Variants in PPME1 observed in about 807,000 individuals in gnomAD.
PPME1 encodes the protein protein phosphatase methylesterase 1.
In PPME1, 17 loss-of-function variants were observed where a neutral mutation model predicts 56.9. That is an observed-to-expected ratio of 0.30 (90% confidence interval 0.20 to 0.45). The LOEUF is 0.45. PPME1 is among the 20% of genes least tolerant of loss of function. The pLI is 1.00. For missense variants in PPME1, 357 were observed against 483.2 expected, an observed-to-expected ratio of 0.74 and a Z score of 2.45; for synonymous variants, 122 against 156.2, an observed-to-expected ratio of 0.78 and a Z score of 1.63.
chr11:74,177,675 T>A (rs1212543449), intron 1 of PPME1, among the ~76,000 whole-genome samples: 3 of 152,190 alleles, frequency 2.0e-5, no homozygotes, highest in Non-Finnish European at 4.4e-5. Flanking sequence ...AAATAAACTT[T>A]CTAATCCCAT....
At position 74,253,602 on chromosome 11, in the gene PPME1, C is replaced by T. The variant is rs888134116; in HGVS notation, c.*92C>T. ...TGATGCCACTGTCTCCTCTCCATCCCGCCCAGCCATGTGACACTGGCTCCC... is the reference window on the plus strand; with the variant it reads ...TGATGCCACTGTCTCCTCTCCATCCTGCCCAGCCATGTGACACTGGCTCCC... On this transcript the variant is annotated 3_prime_UTR_variant, in exon 14 of 14. Transcript: ENST00000328257. 8.3e-5 allele frequency: 118 copies of T among 1,419,796 alleles called. 2 individuals carry two copies. The highest frequency in any genetic ancestry group is 6.0e-4 in the South Asian group (52 of 86,738). The allele number at this position is 1,419,796 out of a possible 1,614,324, so 87.9% of individuals were successfully genotyped here.
At chr11:74,187,376 A>G (rs1436788543) in intron 1 of PPME1, among the ~76,000 whole-genome samples, 1 of 152,178 alleles carries the variant, frequency 6.6e-6, no homozygotes, top group Non-Finnish European at 1.5e-5. Flanking sequence ...ATCCATGAAC[A>G]CTGGATGTCT....
chr11:74,200,373 G>GTA (rs1858125117), intron 1 of PPME1, among the ~76,000 whole-genome samples: 1 of 151,296 alleles, frequency 6.6e-6, no homozygotes, highest in Non-Finnish European at 1.5e-5. Context: ...GTGTGTGTGT[G>GTA]TGTGTGTGTG....
chr11:74,176,823 C>T (rs770068703), intron 1 of PPME1, among the ~76,000 whole-genome samples: 4 of 151,014 alleles, frequency 2.6e-5, no homozygotes, highest in African/African-American at 4.9e-5. Context: ...CTCCACTTCC[C>T]GGGTTCAGGC....
At chr11:74,194,962 G>A (rs1857942186) in intron 1 of PPME1, among the ~76,000 whole-genome samples, 1 of 152,152 alleles carries the variant, frequency 6.6e-6, no homozygotes, top group Non-Finnish European at 1.5e-5. Flanking sequence ...CAGACAGCAG[G>A]CAGTCCTATT....
intron 8 of PPME1, chr11:74,238,324 A>G (rs1859250138): frequency 6.6e-6 from 1 of 152,204 alleles, no homozygotes; most frequent in Non-Finnish European, 1.5e-5. Flanking sequence ...TCATTCTTAA[A>G]AATCTACCGC....
chr11:74,200,290 T>C (rs1435997414), intron 1 of PPME1, among the ~76,000 whole-genome samples: 3 of 152,200 alleles, frequency 2.0e-5, no homozygotes, highest in Admixed American at 6.5e-5. Flanking sequence ...TTGCCACTTA[T>C]GTAATGTCTA....
intron 1 of PPME1, among the ~76,000 whole-genome samples, chr11:74,182,325 T>A (rs1163170081): frequency 6.6e-6 from 1 of 152,156 alleles, no homozygotes; most frequent in Non-Finnish European, 1.5e-5. Context: ...TTTCCTCAAT[T>A]CTAAGATACA....
intron 9 of PPME1, among the ~76,000 whole-genome samples, chr11:74,244,527 A>G (rs1859458187): frequency 6.6e-6 from 1 of 152,166 alleles, no homozygotes; most frequent in African/African-American, 2.4e-5. Flanking sequence ...GATGTTAAGC[A>G]TCGTTTCATA....
intron 1 of PPME1, among the ~76,000 whole-genome samples, chr11:74,175,060 G>C (rs1457571681): frequency 6.6e-6 from 1 of 152,210 alleles, no homozygotes; most frequent in Non-Finnish European, 1.5e-5. Flanking sequence ...GACTAAAGTA[G>C]ATTTGAGATC....
chr11:74,218,283 T>C (rs1858709511), intron 3 of PPME1, among the ~76,000 whole-genome samples: 1 of 152,192 alleles, frequency 6.6e-6, no homozygotes, highest in African/African-American at 2.4e-5. Flanking sequence ...AGATATTCCA[T>C]GTTCAGGGAT....
At chr11:74,181,152 C>T in intron 1 of PPME1, among the ~76,000 whole-genome samples, 1 of 149,634 alleles carries the variant, frequency 6.7e-6, no homozygotes, top group African/African-American at 2.5e-5. Flanking sequence ...TCACGCCATT[C>T]TCCTGCCTCA....
chr11:74,231,280 G>T (rs1859060240), intron 7 of PPME1, among the ~76,000 whole-genome samples: 1 of 152,166 alleles, frequency 6.6e-6, no homozygotes, highest in African/African-American at 2.4e-5. Flanking sequence ...CTGGCTTCAA[G>T]TAATCCTCCT....
intron 8 of PPME1, among the ~76,000 whole-genome samples, chr11:74,237,458 G>A (rs570972466): frequency 8.6e-5 from 13 of 151,664 alleles, no homozygotes; most frequent in Non-Finnish European, 1.8e-4. Context: ...TATATTTTTA[G>A]TAGAGGTGGG....
intron 5 of PPME1, among the ~76,000 whole-genome samples, chr11:74,229,657 G>A (rs1305613821): frequency 2.6e-5 from 4 of 152,078 alleles, no homozygotes; most frequent in Non-Finnish European, 4.4e-5. Flanking sequence ...TTACTCTTTC[G>A]AGGTGTTTTC....
At chr11:74,195,180 A>G (rs1857948050) in intron 1 of PPME1, among the ~76,000 whole-genome samples, 1 of 152,238 alleles carries the variant, frequency 6.6e-6, no homozygotes, top group African/African-American at 2.4e-5. Flanking sequence ...TCCGTCACCT[A>G]GCTTAAGAAA....
intron 8 of PPME1, among the ~76,000 whole-genome samples, chr11:74,236,850 CATT>C (rs2135668293): frequency 6.6e-6 from 1 of 152,264 alleles, no homozygotes; most frequent in South Asian, 2.1e-4. Context: ...ATCACGATGA[CATT>C]ATTACACGTA....
rs1565399128 is a variant in PPME1 at position 74,253,793 on chromosome 11, G to A, written c.*283G>A. The A allele has an allele frequency of 3.7e-6, 2 of 546,116 alleles. No individual in the cohort carries two copies. Among genetic ancestry groups the A allele is most frequent in the Admixed American group, 6.5e-5 (2 of 30,590 alleles). 33.8% of individuals were successfully genotyped at this position (546,116 alleles called of 1,614,324 possible). On this transcript the variant is annotated 3_prime_UTR_variant, in exon 14 of 14. Coordinates refer to ENST00000328257, the MANE Select transcript of PPME1 (RefSeq NM_016147.3). ...TGCCTGCTCTCCCTGCGTTGCCTAG[G>A]GTAAAGCCTCCAGATTTGCCATACT...
chr11:74,249,702 T>G (rs1248711075), intron 11 of PPME1: 3 of 152,322 alleles, frequency 2.0e-5, no homozygotes, highest in Non-Finnish European at 4.4e-5. Flanking sequence ...CATTGTCCCC[T>G]GTTCTTATGG....
Sources: gnomAD v4.1 joint callset for allele counts (sites outside exome capture counted in the v4.1 genomes callset) on GRCh38, gnomAD v4.1.1 for gene constraint, MANE v1.5 for transcripts, NCBI Gene and HGNC (gene_info 2026-07-23, HGNC 2026-07-21) for gene names.